PCSK2: variants seen among roughly 807,000 people sequenced by gnomAD.
PCSK2 encodes the protein neuroendocrine convertase 2.
In PCSK2, 14 loss-of-function variants were observed where a neutral mutation model predicts 69.7. The ratio of observed to expected loss-of-function variants is 0.20; its 90% CI spans 0.13 to 0.31. The LOEUF (loss-of-function observed/expected upper bound fraction) is 0.31, where lower values mean the gene tolerates loss of function less well. Ranked by LOEUF, PCSK2 falls within the 10% of genes least tolerant of loss-of-function variation. PCSK2 has a pLI of 1.00. For missense variants in PCSK2, 544 were observed against 842.5 expected (o/e 0.65, Z 4.39); for synonymous variants, 307 against 320.7 (o/e 0.96, Z 0.46).
chr20:17,307,025 C>T lies in PCSK2; in HGVS notation c.282+46681C>T, dbSNP rs114832725. On this transcript the variant is annotated intron_variant, in intron 2 of 11. Coordinates refer to ENST00000262545, the MANE Select transcript of PCSK2 (RefSeq NM_002594.5). ...GTGGAATGATATGTTAATGTCTTAT[C>T]AGCCAAGTCAACCTAGAAATAAGAA... 1.5e-3 allele frequency among the ~76,000 whole-genome samples: 221 copies of T among 152,290 alleles called. 2 individuals are homozygous for T. Among genetic ancestry groups the T allele is most frequent in the African/African-American group, 4.9e-3 (202 of 41,568 alleles).
intron 11 of PCSK2, among the ~76,000 whole-genome samples, chr20:17,468,623 C>G (rs1568663097): frequency 6.7e-6 from 1 of 150,264 alleles, no homozygotes; most frequent in Non-Finnish European, 1.5e-5. Context: ...CCAGTGTCCT[C>G]CCGTAGAAGG....
intron 2 of PCSK2, among the ~76,000 whole-genome samples, chr20:17,262,720 G>T (rs2123003928): frequency 6.6e-6 from 1 of 152,174 alleles, no homozygotes; most frequent in African/African-American, 2.4e-5. Context: ...CCCCAATTTG[G>T]GGGTTCTCAA....
chr20:17,442,811 C>T (rs1287087153), intron 8 of PCSK2, among the ~76,000 whole-genome samples: 1 of 152,174 alleles, frequency 6.6e-6, no homozygotes, highest in Non-Finnish European at 1.5e-5. Context: ...GGTTGTTAAA[C>T]ATTGAATAGC....
intron 3 of PCSK2, among the ~76,000 whole-genome samples, chr20:17,359,811 T>G (rs1411374349): frequency 6.6e-6 from 1 of 152,168 alleles, no homozygotes; most frequent in Non-Finnish European, 1.5e-5. Context: ...TTTTTTACAA[T>G]CCATCCTGGA....
At chr20:17,323,873 C>T (rs911978343) in intron 2 of PCSK2, among the ~76,000 whole-genome samples, 5 of 152,202 alleles carry the variant, frequency 3.3e-5, no homozygotes, top group African/African-American at 1.2e-4. Flanking sequence ...AGCAGAGATT[C>T]TGTGATTTCC....
intron 8 of PCSK2, among the ~76,000 whole-genome samples, chr20:17,452,818 G>A: frequency 6.6e-6 from 1 of 152,230 alleles, no homozygotes; most frequent in South Asian, 2.1e-4. Context: ...ATCCTGGGTT[G>A]TTTAGGTAGA....
intron 2 of PCSK2, among the ~76,000 whole-genome samples, chr20:17,332,432 A>T (rs1427443065): frequency 6.6e-6 from 1 of 152,156 alleles, no homozygotes; most frequent in African/African-American, 2.4e-5. Flanking sequence ...CAAAAAGCCA[A>T]GTGGAGTTGA....
At chr20:17,376,459 A>G (rs189064049) in intron 5 of PCSK2, among the ~76,000 whole-genome samples, 1 of 152,220 alleles carries the variant, frequency 6.6e-6, no homozygotes, top group African/African-American at 2.4e-5. Context: ...GGTGTACCCC[A>G]GTCTGGAGAG....
chr20:17,334,656 G>A (rs1016176309), intron 2 of PCSK2, among the ~76,000 whole-genome samples: 9 of 152,152 alleles, frequency 5.9e-5, no homozygotes, highest in Non-Finnish European at 1.3e-4. Context: ...GGGGCCATGA[G>A]GGGTGGAGAA....
At chr20:17,316,078 G>T (rs902826407) in intron 2 of PCSK2, among the ~76,000 whole-genome samples, 1 of 152,142 alleles carries the variant, frequency 6.6e-6, no homozygotes, top group Non-Finnish European at 1.5e-5. Flanking sequence ...CCTCTTTAAG[G>T]CTCGTTCTTC....
Position 17,382,324 on chromosome 20 carries a change from G to C in PCSK2, c.543+13047G>C, listed in dbSNP as rs377312743. On this transcript the variant is annotated intron_variant, in intron 5 of 11. Coordinates refer to ENST00000262545, the MANE Select transcript of PCSK2 (RefSeq NM_002594.5). ...TTAATGAGCGTGTTAAGCCAGTGAA[G>C]TGGGTACTTTCTTACCCACCTGTCA... is the stretch of plus-strand genomic sequence containing the variant. Among the ~76,000 whole-genome samples, 15 of 152,302 alleles carry C rather than the reference G, an allele frequency of 9.8e-5. No homozygotes were observed. In the East Asian group the frequency reaches 2.5e-3, roughly 25 times the overall value.
chr20:17,439,757 A>C (rs1417923775), intron 8 of PCSK2, among the ~76,000 whole-genome samples: 1 of 152,172 alleles, frequency 6.6e-6, no homozygotes, highest in Non-Finnish European at 1.5e-5. Flanking sequence ...CAATATTTCA[A>C]ACCAAGTGGA....
At chr20:17,265,141 A>G (rs1364879119) in intron 2 of PCSK2, among the ~76,000 whole-genome samples, 1 of 152,124 alleles carries the variant, frequency 6.6e-6, no homozygotes, top group African/African-American at 2.4e-5. Context: ...TGGAAAGTCT[A>G]CTTTCAAATT....
chr20:17,252,923 T>C (rs1320509995), intron 1 of PCSK2, among the ~76,000 whole-genome samples: 2 of 152,238 alleles, frequency 1.3e-5, no homozygotes, highest in African/African-American at 2.4e-5. Flanking sequence ...ACATTTTGCC[T>C]ATAAATTGGC....
chr20:17,320,107 G>A (rs1229257741), intron 2 of PCSK2, among the ~76,000 whole-genome samples: 5 of 152,106 alleles, frequency 3.3e-5, no homozygotes, highest in Admixed American at 6.5e-5. Flanking sequence ...AGCTCAAGGT[G>A]TTATGTTTTT....
At chr20:17,476,783 C>T (rs1451929425) in intron 11 of PCSK2, among the ~76,000 whole-genome samples, 1 of 152,248 alleles carries the variant, frequency 6.6e-6, no homozygotes, top group Non-Finnish European at 1.5e-5. Flanking sequence ...ATCACCTTAC[C>T]TGTTTTGTTT....
intron 8 of PCSK2, among the ~76,000 whole-genome samples, chr20:17,441,001 C>T (rs1213189293): frequency 6.6e-6 from 1 of 152,186 alleles, no homozygotes; most frequent in South Asian, 2.1e-4. Flanking sequence ...GTGTGGAAAG[C>T]CACAGGAGGG....
intron 6 of PCSK2, among the ~76,000 whole-genome samples, chr20:17,427,255 C>T (rs1015337748): frequency 6.6e-6 from 1 of 152,198 alleles, no homozygotes; most frequent in African/African-American, 2.4e-5. Flanking sequence ...ATATCTAACA[C>T]TATTCCCTAA....
intron 11 of PCSK2, among the ~76,000 whole-genome samples, chr20:17,471,482 G>A (rs1182075636): frequency 6.6e-6 from 1 of 152,198 alleles, no homozygotes. Context: ...ATAGTGCTGG[G>A]CATATAGTAG....
Sources: gnomAD v4.1 joint callset for allele counts (sites outside exome capture counted in the v4.1 genomes callset) on GRCh38, gnomAD v4.1.1 for gene constraint, MANE v1.5 for transcripts, NCBI Gene and HGNC (gene_info 2026-07-23, HGNC 2026-07-21) for gene names.